AKAP13: variants seen among roughly 807,000 people sequenced by gnomAD.
AKAP13 encodes A-kinase anchoring protein 13.
AKAP13 carries 80 observed loss-of-function variants against 264.5 expected under a neutral mutation model. That is an observed-to-expected ratio of 0.30 (90% confidence interval 0.25 to 0.36). The LOEUF (loss-of-function observed/expected upper bound fraction) is 0.36, where lower values mean the gene tolerates loss of function less well. Ranked by LOEUF, AKAP13 falls within the 10% of genes least tolerant of loss-of-function variation. The pLI is 1.00. For missense variants in AKAP13, 3,712 were observed against 3,435.2 expected, an observed-to-expected ratio of 1.08 and a Z score of -2.01; for synonymous variants, 1,380 against 1,250.2, an observed-to-expected ratio of 1.10 and a Z score of -2.19.
At chr15:85,495,595 C>T (rs551663580) in intron 2 of AKAP13, among the ~76,000 whole-genome samples, 75 of 152,270 alleles carry the variant, frequency 4.9e-4, no homozygotes, top group African/African-American at 1.7e-3. Flanking sequence ...CTTTTTAAAG[C>T]CAGTGAGTTA....
At position 85,698,798 on chromosome 15, in the gene AKAP13, G is replaced by A. The variant is rs76424014; in HGVS notation, c.5464+5347G>A. The stretch of plus-strand genomic sequence containing the variant: ...GTCTCTACTAAAAATACAGAAATCA[G>A]CTGGGCATGGTGGTGCACGCCTGTA... On this transcript the variant is annotated intron_variant, in intron 17 of 36. Transcript: ENST00000394518. 4.8e-4 allele frequency among the ~76,000 whole-genome samples: 73 copies of A among 151,088 alleles called. No individual in the cohort carries two copies. In the East Asian group the frequency reaches 0.013, roughly 27 times the overall value.
chr15:85,555,381 G>T (rs1051664346), intron 5 of AKAP13: 3 of 1,253,444 alleles, frequency 2.4e-6, no homozygotes, highest in South Asian at 1.2e-5. Context: ...AGCGAAACAC[G>T]CCTTTAGGAG....
chr15:85,487,916 G>A (rs1338979921), intron 2 of AKAP13, among the ~76,000 whole-genome samples: 1 of 151,950 alleles, frequency 6.6e-6, no homozygotes, highest in African/African-American at 2.4e-5. Context: ...TGTATTTATT[G>A]AGACAAGGTC....
intron 1 of AKAP13, among the ~76,000 whole-genome samples, chr15:85,413,834 A>G (rs1459249293): frequency 2.6e-5 from 4 of 152,170 alleles, no homozygotes; most frequent in Admixed American, 6.5e-5. Flanking sequence ...TCAACTTTAT[A>G]TTACATAGAC....
chr15:85,672,755 C>G (rs1172607705), intron 14 of AKAP13, among the ~76,000 whole-genome samples: 1 of 152,220 alleles, frequency 6.6e-6, no homozygotes, highest in Non-Finnish European at 1.5e-5. Context: ...TTAAATCTGA[C>G]TTCATTTGAA....
chr15:85,742,710 G>A (rs972280651), intron 35 of AKAP13, among the ~76,000 whole-genome samples: 6 of 152,232 alleles, frequency 3.9e-5, no homozygotes, highest in African/African-American at 1.4e-4. Flanking sequence ...AAACATGGAT[G>A]CTTGTGGCAG....
At chr15:85,623,299 T>G (rs2081274323) in intron 8 of AKAP13, among the ~76,000 whole-genome samples, 1 of 152,242 alleles carries the variant, frequency 6.6e-6, no homozygotes, top group African/African-American at 2.4e-5. Context: ...AAGTATGGAT[T>G]CATAAGCATC....
intron 19 of AKAP13, among the ~76,000 whole-genome samples, chr15:85,714,677 T>C (rs2086819592): frequency 6.6e-6 from 1 of 152,198 alleles, no homozygotes; most frequent in Non-Finnish European, 1.5e-5. Context: ...TAAAATTCTT[T>C]CAATCTTGGG....
At chr15:85,404,536 G>C (rs1378318713) in intron 1 of AKAP13, among the ~76,000 whole-genome samples, 2 of 152,184 alleles carry the variant, frequency 1.3e-5, no homozygotes, top group Non-Finnish European at 2.9e-5. Flanking sequence ...CTTCCCATCT[G>C]TTCATGTCCA....
intron 14 of AKAP13, among the ~76,000 whole-genome samples, chr15:85,672,727 A>T (rs1210807786): frequency 2.6e-5 from 4 of 152,226 alleles, no homozygotes; most frequent in Non-Finnish European, 4.4e-5. Context: ...TTAAATGGGG[A>T]TGATAATGTG....
chr15:85,546,639 T>A (rs974392577), intron 5 of AKAP13, among the ~76,000 whole-genome samples: 5 of 152,184 alleles, frequency 3.3e-5, no homozygotes, highest in Non-Finnish European at 5.9e-5. Flanking sequence ...TTATAAAGGT[T>A]TATGCACATG....
chr15:85,581,883 A>G lies in AKAP13; in HGVS notation c.3815A>G (p.Glu1272Gly). Residue 1272 changes from glutamate (E) to glycine (G), a missense_variant, in exon 7 of 37, where the codon GAG becomes GGG. Physicochemically the swap from Glu to Gly is moderately conservative, Grantham distance 98. Around this residue, in one of 3 missense-constraint regions of AKAP13, gnomAD observed 2,759 missense variants for 2,411.7 expected, o/e 1.14. Transcript: ENST00000394518. ...QVKAAGALLT[E>G]GEACHMSLSS... Reference sequence around the variant, plus strand: ...AAGGCCGCTGGAGCACTGCTTACTGAGGGGGAGGCCTGTCACATGTCACTG... The same window carrying G: ...AAGGCCGCTGGAGCACTGCTTACTGGGGGGGAGGCCTGTCACATGTCACTG... 6.2e-7 allele frequency: 1 copy of G among 1,614,058 alleles called. No individual in the cohort carries two copies. The highest frequency in any genetic ancestry group is 1.1e-5 in the South Asian group (1 of 91,076).
intron 12 of AKAP13, 56 bp from the exon 13 acceptor site, chr15:85,664,507 C>G: frequency 6.6e-7 from 1 of 1,522,944 alleles, no homozygotes. Context: ...TTTGTGTCCT[C>G]CTTTGTTTTT....
chr15:85,676,240 C>T (rs1335314891), intron 14 of AKAP13, among the ~76,000 whole-genome samples: 1 of 152,144 alleles, frequency 6.6e-6, no homozygotes, highest in Non-Finnish European at 1.5e-5. Context: ...ATTCAAGTTA[C>T]AGTAGTAGAC....
chr15:85,518,922 C>T (rs1055883420), intron 2 of AKAP13, among the ~76,000 whole-genome samples: 3 of 152,182 alleles, frequency 2.0e-5, no homozygotes, highest in African/African-American at 7.2e-5. Context: ...AAAAGGATTT[C>T]ATCTGCCTAT....
intron 35 of AKAP13, among the ~76,000 whole-genome samples, chr15:85,742,090 C>T (rs1273420012): frequency 6.6e-6 from 1 of 152,184 alleles, no homozygotes; most frequent in Non-Finnish European, 1.5e-5. Flanking sequence ...GAAAGAGAGG[C>T]AGAGGCAGAA....
intron 1 of AKAP13, among the ~76,000 whole-genome samples, chr15:85,383,178 C>G (rs1443381179): frequency 6.6e-6 from 1 of 152,050 alleles, no homozygotes; most frequent in African/African-American, 2.4e-5. Context: ...CAGACGTGAG[C>G]CACTCCACCC....
chr15:85,647,698 T>C (rs1046563469), intron 10 of AKAP13, among the ~76,000 whole-genome samples: 4 of 151,942 alleles, frequency 2.6e-5, no homozygotes, highest in South Asian at 2.1e-4. Flanking sequence ...GTAATCCCAG[T>C]ACTTTGGGAG....
chr15:85,401,273 C>T (rs974177991), intron 1 of AKAP13, among the ~76,000 whole-genome samples: 1 of 149,096 alleles, frequency 6.7e-6, no homozygotes, highest in African/African-American at 2.5e-5. Context: ...TTGAAACCAC[C>T]CAGTTTTTTA....
Sources: allele counts gnomAD v4.1 joint callset (sites outside exome capture counted in the v4.1 genomes callset), GRCh38; gene constraint gnomAD v4.1.1; regional missense constraint gnomAD v4.1.1; transcripts MANE v1.5; gene names NCBI Gene and HGNC (gene_info 2026-07-23, HGNC 2026-07-21).